Variants in VTI1A observed in about 807,000 individuals in gnomAD.
The protein encoded by VTI1A is vesicle transport through interaction with t-SNAREs 1A.
VTI1A carries 22 observed loss-of-function variants against 34.9 expected under a neutral mutation model. The observed-to-expected ratio is 0.63, with a 90% confidence interval of 0.45 to 0.90. The LOEUF is 0.90. Among genes scored for constraint, VTI1A ranks in the 40% least tolerant of loss-of-function variants. VTI1A has a pLI of 0.00. For synonymous variants in VTI1A, 87 were observed against 97.3 expected, an observed-to-expected ratio of 0.89 and a Z score of 0.62; for missense variants, 268 against 275.6, an observed-to-expected ratio of 0.97 and a Z score of 0.20.
intron 5 of VTI1A, among the ~76,000 whole-genome samples, chr10:112,545,029 G>C (rs1467111501): frequency 5.3e-5 from 8 of 152,208 alleles, no homozygotes; most frequent in Non-Finnish European, 1.0e-4. Context: ...AGTGGTGGCA[G>C]AGCAGAGTTG....
At chr10:112,549,712 A>AT (rs1186713628) in intron 5 of VTI1A, among the ~76,000 whole-genome samples, 3 of 152,104 alleles carry the variant, frequency 2.0e-5, no homozygotes, top group African/African-American at 7.2e-5. Context: ...TTGAATAGGT[A>AT]TTTTTTTAAT....
At chr10:112,496,779 A>G (rs532281532) in intron 3 of VTI1A, among the ~76,000 whole-genome samples, 1 of 152,334 alleles carries the variant, frequency 6.6e-6, no homozygotes, top group African/African-American at 2.4e-5. Flanking sequence ...TTCAGCTAAG[A>G]ACACAAGTTT....
chr10:112,829,845 T>A, the VTI1A span, among the ~76,000 whole-genome samples: 1 of 152,216 alleles, frequency 6.6e-6, no homozygotes, highest in African/African-American at 2.4e-5. Flanking sequence ...AATGAACTCA[T>A]AACAACATCT....
chr10:112,822,931 C>G (rs910474214), downstream of VTI1A, among the ~76,000 whole-genome samples: 1 of 152,178 alleles, frequency 6.6e-6, no homozygotes, highest in African/African-American at 2.4e-5. Context: ...GGTAGTCTCA[C>G]AGCACTGGAA....
chr10:112,451,986 T>G (rs1178002363), intron 1 of VTI1A, among the ~76,000 whole-genome samples: 1 of 152,266 alleles, frequency 6.6e-6, no homozygotes, highest in Non-Finnish European at 1.5e-5. Context: ...CTTGTTTCTC[T>G]TAAAAGTTTT....
intron 5 of VTI1A, 117 bp downstream of exon 5, chr10:112,538,447 A>C: frequency 1.1e-6 from 1 of 932,874 alleles, no homozygotes; most frequent in Middle Eastern, 2.3e-4. Flanking sequence ...GATGTGGTTT[A>C]CATATTGGGG....
chr10:112,529,424 A>G (rs1197566147), intron 4 of VTI1A, among the ~76,000 whole-genome samples: 1 of 152,150 alleles, frequency 6.6e-6, no homozygotes, highest in Non-Finnish European at 1.5e-5. Context: ...ATTCCGCATC[A>G]GCATTCATTC....
At chr10:112,726,275 A>T (rs1033798029) in intron 7 of VTI1A, among the ~76,000 whole-genome samples, 1 of 152,154 alleles carries the variant, frequency 6.6e-6, no homozygotes, top group African/African-American at 2.4e-5. Context: ...ACCCCAGCTC[A>T]TCTCTGGGCT....
At position 112,790,171 on chromosome 10, in the gene VTI1A, C is replaced by T. The variant is rs905444009; in HGVS notation, c.561-25119C>T. ...TGAGGCTGGTTTCCTAGGGGTTGCC[C>T]CTTTGTGTGCATAGCTTAGTGGTCA... On this transcript the variant is annotated intron_variant, in intron 7 of 7. Transcript: ENST00000393077. 1.3e-5 allele frequency among the ~76,000 whole-genome samples: 2 copies of T among 152,002 alleles called. 1 individual carries two copies. The highest frequency in any genetic ancestry group is 2.9e-5 in the Non-Finnish European group (2 of 68,020).
chr10:112,696,162 G>GTA (rs1402233446), intron 7 of VTI1A, among the ~76,000 whole-genome samples: 1 of 151,636 alleles, frequency 6.6e-6, no homozygotes, highest in Non-Finnish European at 1.5e-5. Context: ...CTCAAGGACT[G>GTA]TATCTCCATC....
chr10:112,451,010 A>G (rs1243862708), intron 1 of VTI1A, among the ~76,000 whole-genome samples: 2 of 152,188 alleles, frequency 1.3e-5, no homozygotes, highest in Non-Finnish European at 2.9e-5. Flanking sequence ...TCTTTTTGCA[A>G]TTAGTTGCTT....
At chr10:112,538,548 A>T in intron 5 of VTI1A, 1 of 466,260 alleles carries the variant, frequency 2.1e-6, no homozygotes, top group Non-Finnish European at 3.9e-6. Context: ...AAAAGTATAC[A>T]TCTGAAAAGA....
At chr10:112,589,470 A>T (rs1046421905) in intron 5 of VTI1A, among the ~76,000 whole-genome samples, 8 of 152,172 alleles carry the variant, frequency 5.3e-5, no homozygotes. Context: ...AGTCCAGTAA[A>T]GCTCTTTCTT....
intron 7 of VTI1A, among the ~76,000 whole-genome samples, chr10:112,780,112 T>TAA (rs773277515): frequency 9.2e-4 from 102 of 111,456 alleles, no homozygotes; most frequent in African/African-American, 3.0e-3. Flanking sequence ...CCTTGTCTCT[T>TAA]AAAAAAAAAA....
intron 5 of VTI1A, among the ~76,000 whole-genome samples, chr10:112,552,593 T>C (rs533664829): frequency 9.4e-5 from 14 of 149,080 alleles, no homozygotes; most frequent in Non-Finnish European, 1.9e-4. Context: ...TTTGTTACTG[T>C]AAAAAGAGAC....
At chr10:112,722,366 G>C (rs1217775090) in intron 7 of VTI1A, among the ~76,000 whole-genome samples, 1 of 152,122 alleles carries the variant, frequency 6.6e-6, no homozygotes, top group Middle Eastern at 3.4e-3. Flanking sequence ...GTCGTTGGGT[G>C]GGGGGATGGG....
chr10:112,471,367 ATTTTTTTTTTTT>A (rs576549183), intron 3 of VTI1A, among the ~76,000 whole-genome samples: 1 of 94,400 alleles, frequency 1.1e-5, no homozygotes, highest in South Asian at 3.3e-4. Flanking sequence ...ATTCTTATTG[ATTTTTTTTTTTT>A]TTTTTTTTTG....
At chr10:112,584,932 G>C (rs1235423217) in intron 5 of VTI1A, among the ~76,000 whole-genome samples, 2 of 152,154 alleles carry the variant, frequency 1.3e-5, no homozygotes, top group Non-Finnish European at 1.5e-5. Flanking sequence ...GATGTATTTA[G>C]AATGTTATTT....
intron 5 of VTI1A, among the ~76,000 whole-genome samples, chr10:112,587,092 G>A (rs960481870): frequency 6.6e-6 from 1 of 152,140 alleles, no homozygotes; most frequent in African/African-American, 2.4e-5. Flanking sequence ...CTGACACTAT[G>A]TATGGAATAT....
Sources: gnomAD v4.1 joint callset for allele counts (sites outside exome capture counted in the v4.1 genomes callset) on GRCh38, gnomAD v4.1.1 for gene constraint, MANE v1.5 for transcripts, NCBI Gene and HGNC (gene_info 2026-07-23, HGNC 2026-07-21) for gene names.